The following THOP1 variants were observed in gnomAD, a reference collection of about 807,000 sequenced individuals.
The protein encoded by THOP1 is thimet oligopeptidase 1.
Under a neutral mutation model 71.8 loss-of-function variants are expected in THOP1, and 49 were observed. That is an observed-to-expected ratio of 0.68 (90% CI 0.54 to 0.87). The LOEUF (loss-of-function observed/expected upper bound fraction) is 0.87, where lower values mean the gene tolerates loss of function less well. Ranked by LOEUF, THOP1 falls within the 40% of genes least tolerant of loss-of-function variation. The probability of loss-of-function intolerance (pLI) is 0.00; values close to 1 mark genes in which losing one functional copy is unlikely to be tolerated. For synonymous variants in THOP1, 426 were observed against 421.5 expected, an observed-to-expected ratio of 1.01 and a Z score of -0.13; for missense variants, 843 against 975.6, an observed-to-expected ratio of 0.86 and a Z score of 1.81.
intron 5 of THOP1, 68 bp downstream of exon 5, chr19:2,799,859 T>C: frequency 1.4e-6 from 2 of 1,422,366 alleles, no homozygotes; most frequent in Non-Finnish European, 2.0e-6. Flanking sequence ...TGCCAGGCCC[T>C]CGGGGGCCGC....
chr19:2,792,337 T>C (rs1461813015), intron 2 of THOP1, among the ~76,000 whole-genome samples: 1 of 149,734 alleles, frequency 6.7e-6, no homozygotes, highest in Admixed American at 6.7e-5. Flanking sequence ...AAGCCATCTT[T>C]AATTTTTGGT....
intron 1 of THOP1, among the ~76,000 whole-genome samples, chr19:2,790,114 G>A (rs1435895561): frequency 6.6e-6 from 1 of 152,130 alleles, no homozygotes; most frequent in Non-Finnish European, 1.5e-5. Flanking sequence ...CTCTGCTGGG[G>A]CCGTCCTGGT....
intron 11 of THOP1, 110 bp from the exon 12 acceptor site, chr19:2,811,488 C>T (rs1030179143): frequency 1.8e-5 from 26 of 1,429,754 alleles, no homozygotes; most frequent in African/African-American, 4.3e-5. Context: ...GATCCTCCAG[C>T]TTCTCCCTGT....
At chr19:2,806,489 G>A (rs768241134) in intron 6 of THOP1, 35 of 217,536 alleles carry the variant, frequency 1.6e-4, no homozygotes, top group South Asian at 3.2e-4. Context: ...GCTTTCATGC[G>A]TCCTCCCCCA....
intron 1 of THOP1, among the ~76,000 whole-genome samples, chr19:2,790,087 A>G (rs1225970807): frequency 6.6e-6 from 1 of 152,076 alleles, no homozygotes; most frequent in Non-Finnish European, 1.5e-5. Flanking sequence ...TATCATCTCT[A>G]TTCCGGGCTG....
intron 12 of THOP1, chr19:2,812,011 T>A: frequency 9.7e-7 from 1 of 1,027,142 alleles, no homozygotes; most frequent in Non-Finnish European, 1.4e-6. Flanking sequence ...CCACAGCTCC[T>A]CCCTGGGCCC....
chr19:2,794,324 G>C (rs1915958597), intron 2 of THOP1, among the ~76,000 whole-genome samples: 1 of 152,080 alleles, frequency 6.6e-6, no homozygotes, highest in Non-Finnish European at 1.5e-5. Flanking sequence ...TAAAGCTTAT[G>C]CTTTTCTAGC....
chr19:2,791,831 C>T (rs1038303551), intron 2 of THOP1, among the ~76,000 whole-genome samples: 2 of 152,212 alleles, frequency 1.3e-5, no homozygotes, highest in African/African-American at 2.4e-5. Context: ...GTGCTCCCCT[C>T]GGGGCCTTTC....
Position 2,811,778 on chromosome 19 carries a change from G to A in THOP1, c.1908+44G>A, listed in dbSNP as rs373946671. The A allele has an allele frequency of 4.1e-5, 64 of 1,571,236 alleles. 1 individual carries two copies. The African/African-American group carries it at 8.5e-4, about 21-fold the overall frequency. On this transcript the variant is annotated intron_variant, in intron 12 of 12. Transcript: ENST00000307741. The stretch of plus-strand genomic sequence containing the variant: ...CAGGGAGGGCGTCCTGAACGGCAAG[G>A]TACGCGGGGACTGGGGACAGGGAGG...
chr19:2,813,351 G>A lies in THOP1; in HGVS notation c.*75G>A, dbSNP rs1916535684. 7 of 1,462,112 alleles carry A rather than the reference G, an allele frequency of 4.8e-6. No homozygotes were observed. Among genetic ancestry groups the A allele is most frequent in the Admixed American group, 2.3e-5 (1 of 44,398 alleles). 90.6% of individuals were successfully genotyped at this position (1,462,112 alleles called of 1,614,324 possible). On this transcript the variant is annotated 3_prime_UTR_variant, in exon 13 of 13. Coordinates refer to ENST00000307741, the MANE Select transcript of THOP1 (RefSeq NM_003249.5). ...TGCCTTAGCCCCCGGCACAGGATGG[G>A]GCAGGCTCTGGCACAGTGCCTGGGA...
At chr19:2,799,332 T>G (rs950985603) in intron 4 of THOP1, among the ~76,000 whole-genome samples, 1 of 152,186 alleles carries the variant, frequency 6.6e-6, no homozygotes, top group South Asian at 2.1e-4. Flanking sequence ...CTCAGAAGAA[T>G]GTTGAAAAGC....
In THOP1 at chr19:2,811,741, G is replaced by A. The variant is rs1213692681; in HGVS notation, c.1908+7G>A. On this transcript the variant is annotated splice_region_variant and intron_variant, in intron 12 of 12. Transcript: ENST00000307741. ...GGGTGTCCTGAACAGCAAGGTACGC[G>A]GGGACTGGGGACAGGGAGGGCGTCC... The A allele has an allele frequency of 2.5e-6, 4 of 1,573,326 alleles. No homozygotes were observed. Among genetic ancestry groups the A allele is most frequent in the East Asian group, 2.2e-5 (1 of 44,646 alleles).
At position 2,785,557 on chromosome 19, in the gene THOP1, G is replaced by C. The variant is rs1409161250; in HGVS notation, c.-106G>C. ...CCCTTGGTCCTCAGGCGGCCGTGGC[G>C]GCGGTGGCGGCGGTTGGGCCGAGGC... On this transcript the variant is annotated 5_prime_UTR_variant, in exon 1 of 13. Coordinates refer to ENST00000307741, the MANE Select transcript of THOP1 (RefSeq NM_003249.5). The C allele has an allele frequency of 1.5e-6, 2 of 1,332,932 alleles. No individual in the cohort carries two copies. Among genetic ancestry groups the C allele is most frequent in the East Asian group, 3.0e-5 (1 of 33,244 alleles). 82.6% of individuals were successfully genotyped at this position (1,332,932 alleles called of 1,614,324 possible). A position where few individuals can be genotyped will look rare whatever the true frequency, so the allele number is the denominator to read the frequency against.
chr19:2,805,198 G>A lies in THOP1; in HGVS notation c.750+22G>A. ...GGAGGTGAGAAGGCACGGCCAGGGGGCCCCAGAACAGTGGGTCTGGAGCTT... is the reference window on the plus strand; with the variant it reads ...GGAGGTGAGAAGGCACGGCCAGGGGACCCCAGAACAGTGGGTCTGGAGCTT... On this transcript the variant is annotated intron_variant, in intron 6 of 12. Transcript: ENST00000307741. This position sits in a 1 kb window ranked among gnomAD's most constrained non-coding sequence, Gnocchi z 6.6. 2 of 1,602,152 alleles carry A rather than the reference G, an allele frequency of 1.2e-6. No homozygotes were observed. Among genetic ancestry groups the A allele is most frequent in the South Asian group, 1.1e-5 (1 of 89,300 alleles).
chr19:2,788,582 G>A (rs779161293), intron 1 of THOP1, among the ~76,000 whole-genome samples: 10 of 152,104 alleles, frequency 6.6e-5, no homozygotes, highest in African/African-American at 9.7e-5. Context: ...AGGTCCAAGC[G>A]GTTCTCCTGC....
rs139973489 is a variant in THOP1, at chr19:2,788,414, C to A, written c.17-2007C>A. The stretch of plus-strand genomic sequence containing the variant: ...CTTCCTGTCCCTTTCCAGGGCTCCA[C>A]CTTGCACTCAGGATTGAAGTTCAAA... On this transcript the variant is annotated intron_variant, in intron 1 of 12. Transcript: ENST00000307741. Among the ~76,000 whole-genome samples the A allele has an allele frequency of 2.7e-3, 404 of 152,332 alleles. 1 individual carries two copies. The highest frequency in any genetic ancestry group is 4.3e-3 in the Non-Finnish European group (295 of 68,024).
Position 2,810,359 on chromosome 19 carries a change from C to T in THOP1, c.1511C>T (p.Pro504Leu), listed in dbSNP as rs771997485. The T allele has an allele frequency of 4.3e-6, 7 of 1,611,712 alleles. No individual in the cohort carries two copies. The highest frequency in any genetic ancestry group is 5.9e-6 in the Non-Finnish European group (7 of 1,179,720). Reference sequence around the variant, plus strand: ...GTGGAGCGGGACTTTGTGGAGGCGCCGTCGCAGATGCTGGAGAACTGGGTG... The same window carrying T: ...GTGGAGCGGGACTTTGTGGAGGCGCTGTCGCAGATGCTGGAGAACTGGGTG... ...THVERDFVEA[P>L]SQMLENWVWE... Residue 504 changes from proline (P) to leucine (L), a missense_variant, in exon 10 of 13, where the codon CCG (proline) becomes CTG (leucine). Physicochemically the swap from Pro to Leu is moderately conservative, Grantham distance 98. Coordinates refer to ENST00000307741, the MANE Select transcript of THOP1 (RefSeq NM_003249.5).
chr19:2,785,805 G>A (rs1362156555), intron 1 of THOP1, 127 bp downstream of exon 1: 2 of 907,550 alleles, frequency 2.2e-6, no homozygotes, highest in African/African-American at 1.7e-5. Context: ...TGGAGGGGCA[G>A]CGGGGGAGGT....
chr19:2,808,195 T>G lies in THOP1; in HGVS notation c.1254-48T>G, dbSNP rs188056833. The G allele has an allele frequency of 5.0e-5, 77 of 1,526,606 alleles. 1 individual carries two copies. Among genetic ancestry groups the G allele is most frequent in the South Asian group, 1.3e-4 (11 of 83,530 alleles). 94.6% of individuals were successfully genotyped at this position (1,526,606 alleles called of 1,614,324 possible). On this transcript the variant is annotated intron_variant, in intron 8 of 12. Transcript: ENST00000307741. ...TGAGGGATGCGGAGTCAGGGACTCT[T>G]GCGGTGTCTCTAGTCCCTGCGGGGC... is the stretch of plus-strand genomic sequence containing the variant.
Sources: allele counts gnomAD v4.1 joint callset (sites outside exome capture counted in the v4.1 genomes callset), GRCh38; gene constraint gnomAD v4.1.1; non-coding constraint Gnocchi (gnomAD v3.1); transcripts MANE v1.5; gene names NCBI Gene and HGNC (gene_info 2026-07-23, HGNC 2026-07-21).